LNPEP: variants seen among roughly 807,000 people sequenced by gnomAD.
LNPEP encodes leucyl and cystinyl aminopeptidase.
LNPEP carries 64 observed loss-of-function variants against 120.6 expected under a neutral mutation model. The ratio of observed to expected loss-of-function variants is 0.53; its 90% confidence interval spans 0.43 to 0.65. The LOEUF is 0.65. LNPEP is among the 30% of genes least tolerant of loss of function. LNPEP has a pLI of 0.00. For synonymous variants in LNPEP, 435 were observed against 425.4 expected (o/e 1.02, Z -0.28); for missense variants, 1,057 against 1,200.0 (o/e 0.88, Z 1.76).
At chr5:97,000,909 T>G (rs1232663086) in intron 8 of LNPEP, among the ~76,000 whole-genome samples, 1 of 152,062 alleles carries the variant, frequency 6.6e-6, no homozygotes, top group Non-Finnish European at 1.5e-5. Context: ...GATAAAAGGT[T>G]GCTTTGCATG....
chr5:96,980,745 C>T (rs1247466514), intron 2 of LNPEP, among the ~76,000 whole-genome samples: 1 of 152,138 alleles, frequency 6.6e-6, no homozygotes, highest in Non-Finnish European at 1.5e-5. Flanking sequence ...GGAACATTCT[C>T]TCATATTACT....
intron 11 of LNPEP, among the ~76,000 whole-genome samples, chr5:97,008,337 GTTTTTTTTTTTTTTTTTTTTT>G (rs781727347): frequency 1.7e-5 from 1 of 59,824 alleles, no homozygotes; most frequent in South Asian, 8.3e-4. Flanking sequence ...GTTTTTTCTT[GTTTTTTTTTTTTTTTTTTTTT>G]TTTTTTTTTT....
chr5:96,976,709 G>A (rs1263771834), intron 1 of LNPEP, among the ~76,000 whole-genome samples: 2 of 150,960 alleles, frequency 1.3e-5, no homozygotes, highest in Non-Finnish European at 2.9e-5. Context: ...TCCCATGTGT[G>A]GTAAAAAAGT....
chr5:97,020,671 G>A (rs1291447559), intron 13 of LNPEP, among the ~76,000 whole-genome samples: 6 of 152,006 alleles, frequency 3.9e-5, no homozygotes, highest in Admixed American at 6.6e-5. Flanking sequence ...ATGTGGTGGC[G>A]GGCGCTTGTA....
intron 1 of LNPEP, among the ~76,000 whole-genome samples, chr5:96,971,764 G>T (rs1789868734): frequency 6.6e-6 from 1 of 150,410 alleles, no homozygotes; most frequent in Non-Finnish European, 1.5e-5. Context: ...TTCTTTTTTA[G>T]TCTTGATTTC....
intron 1 of LNPEP, among the ~76,000 whole-genome samples, chr5:96,954,478 C>T (rs1265938903): frequency 6.6e-6 from 1 of 151,718 alleles, no homozygotes; most frequent in African/African-American, 2.4e-5. Context: ...GACCTGGAAT[C>T]CAGCATATGA....
Position 97,006,515 on chromosome 5 carries a change from G to A in LNPEP, c.2035G>A (p.Gly679Ser). Residue 679 changes from glycine to serine, a missense_variant and splice_region_variant, in exon 11 of 18, where the codon GGT (glycine) becomes AGT (serine). By Grantham distance (56) the Gly-to-Ser change is moderately conservative (BLOSUM62 0). Coordinates refer to ENST00000231368, the MANE Select transcript of LNPEP (RefSeq NM_005575.3). ...GGTATCATTACTGGATAAGAAATCAGGTTTGACTATAATGACAGTTCTGAT... is the reference window on the plus strand; with the variant it reads ...GGTATCATTACTGGATAAGAAATCAAGTTTGACTATAATGACAGTTCTGAT... ...QSVSLLDKKS[G>S]VINLTEEVLW... 1 of 1,447,860 alleles carries A rather than the reference G, an allele frequency of 6.9e-7. No individual in the cohort carries two copies. The highest frequency in any genetic ancestry group is 9.7e-7 in the Non-Finnish European group (1 of 1,031,760). 89.7% of individuals were successfully genotyped at this position (1,447,860 alleles called of 1,614,324 possible). A position where few individuals can be genotyped will look rare whatever the true frequency, so the allele number is the denominator to read the frequency against.
chr5:96,991,611 T>G (rs910244836), intron 4 of LNPEP, among the ~76,000 whole-genome samples: 9 of 152,228 alleles, frequency 5.9e-5, no homozygotes, highest in Admixed American at 1.3e-4. Context: ...ATATCTTCTT[T>G]GGAGAATTGT....
At chr5:96,982,039 C>A (rs944727844) in intron 2 of LNPEP, among the ~76,000 whole-genome samples, 1 of 152,104 alleles carries the variant, frequency 6.6e-6, no homozygotes, top group Non-Finnish European at 1.5e-5. Context: ...AAGCCTCTTA[C>A]GTGTTTAGTC....
chr5:96,981,318 T>C (rs1790118702), intron 2 of LNPEP, among the ~76,000 whole-genome samples: 2 of 152,228 alleles, frequency 1.3e-5, no homozygotes, highest in South Asian at 4.1e-4. Context: ...AATCAAGATA[T>C]ACTATCACTT....
At chr5:96,976,496 C>G (rs1455975322) in intron 1 of LNPEP, among the ~76,000 whole-genome samples, 1 of 151,912 alleles carries the variant, frequency 6.6e-6, no homozygotes, top group Non-Finnish European at 1.5e-5. Flanking sequence ...AATGGCATGG[C>G]AGAAGAATAA....
At chr5:97,015,273 A>G (rs1048364013) in intron 13 of LNPEP, among the ~76,000 whole-genome samples, 178 bp downstream of exon 13, 2 of 152,134 alleles carry the variant, frequency 1.3e-5, no homozygotes, top group African/African-American at 4.8e-5. Flanking sequence ...GAGCTGATAA[A>G]GGCTTAGTAT....
In LNPEP at chr5:97,027,821, T is replaced by C. The variant is rs756500508; in HGVS notation, c.2946+7T>C. 6.4e-7 allele frequency: 1 copy of C among 1,570,164 alleles called. No homozygotes were observed. The highest frequency in any genetic ancestry group is 2.2e-5 in the East Asian group (1 of 44,688). Reference sequence around the variant, plus strand: ...AAAGACACATTTATCTGAGGTTGGTTTTATAAAATGATAATACAGAGACTG... The same window carrying C: ...AAAGACACATTTATCTGAGGTTGGTCTTATAAAATGATAATACAGAGACTG... On this transcript the variant is annotated splice_region_variant and intron_variant, in intron 17 of 17. Transcript: ENST00000231368.
chr5:97,013,248 A>C (rs1421782723), intron 11 of LNPEP, among the ~76,000 whole-genome samples: 2 of 152,186 alleles, frequency 1.3e-5, no homozygotes, highest in African/African-American at 4.8e-5. Context: ...CATTTCTTCC[A>C]AGAAATCGCT....
At chr5:97,021,099 C>T (rs1791182904) in intron 13 of LNPEP, among the ~76,000 whole-genome samples, 1 of 152,158 alleles carries the variant, frequency 6.6e-6, no homozygotes, top group Admixed American at 6.6e-5. Flanking sequence ...TAATGAATAA[C>T]TATTAGTTTT....
At chr5:96,964,821 A>G (rs1789688818) in intron 1 of LNPEP, among the ~76,000 whole-genome samples, 1 of 152,188 alleles carries the variant, frequency 6.6e-6, no homozygotes, top group Non-Finnish European at 1.5e-5. Flanking sequence ...TGAAAGGGAA[A>G]TTTCTGAAAG....
intron 5 of LNPEP, 107 bp from the exon 6 acceptor site, chr5:96,993,710 A>G: frequency 9.6e-7 from 1 of 1,039,482 alleles, no homozygotes; most frequent in Non-Finnish European, 1.4e-6. Flanking sequence ...TTGTGAGTAT[A>G]AAAAGAATTC....
At chr5:97,002,066 G>A (rs764490011) in intron 8 of LNPEP, among the ~76,000 whole-genome samples, 1 of 152,170 alleles carries the variant, frequency 6.6e-6, no homozygotes, top group Non-Finnish European at 1.5e-5. Flanking sequence ...TTGAACCCAG[G>A]AGGCGGAGGT....
intron 9 of LNPEP, among the ~76,000 whole-genome samples, chr5:97,004,971 C>T (rs773379692): frequency 7.2e-5 from 11 of 152,150 alleles, no homozygotes; most frequent in Non-Finnish European, 1.2e-4. Flanking sequence ...TAGTTCCTAA[C>T]ATTATCCTCA....
Sources: allele counts gnomAD v4.1 joint callset (sites outside exome capture counted in the v4.1 genomes callset), GRCh38; gene constraint gnomAD v4.1.1; transcripts MANE v1.5; gene names NCBI Gene and HGNC (gene_info 2026-07-23, HGNC 2026-07-21).